RBFOX1: variants seen among roughly 807,000 people sequenced by gnomAD.
RBFOX1 encodes the protein RNA binding protein fox-1 homolog 1.
A neutral mutation model predicts 57.7 loss-of-function variants in RBFOX1; 8 were observed. That is an observed-to-expected ratio of 0.14 (90% CI 0.08 to 0.25). The LOEUF (loss-of-function observed/expected upper bound fraction) is 0.25. RBFOX1 is among the 10% of genes least tolerant of loss of function. The pLI is 1.00. For synonymous variants in RBFOX1, 326 were observed against 222.4 expected, an observed-to-expected ratio of 1.47 and a Z score of -4.15; for missense variants, 611 against 548.5, an observed-to-expected ratio of 1.11 and a Z score of -1.14.
chr16:6,493,490 T>C (rs915854179), intron 2 of RBFOX1, among the ~76,000 whole-genome samples: 19 of 152,194 alleles, frequency 1.2e-4, no homozygotes, highest in African/African-American at 3.9e-4. Flanking sequence ...TACAGTACTA[T>C]TATTTTTTTT....
intron 1 of RBFOX1, among the ~76,000 whole-genome samples, chr16:5,310,864 C>T (rs553422648): frequency 6.6e-6 from 1 of 152,074 alleles, no homozygotes; most frequent in Non-Finnish European, 1.5e-5. Flanking sequence ...ATTTCAATAG[C>T]TTTTGGAGTC....
At chr16:7,215,639 G>T (rs55755449) in intron 4 of RBFOX1, among the ~76,000 whole-genome samples, 1 of 151,710 alleles carries the variant, frequency 6.6e-6, no homozygotes, top group Non-Finnish European at 1.5e-5. Context: ...AAAGATCCTC[G>T]GGCAGATTAG....
rs143672599 is a variant in RBFOX1 at position 7,396,885 on chromosome 16, G to T, written c.28-121262G>T. Among the ~76,000 whole-genome samples, 1,016 of 152,302 alleles carry T rather than the reference G, an allele frequency of 6.7e-3. 11 individuals are homozygous for T. The highest frequency in any genetic ancestry group is 0.022 in the African/African-American group (920 of 41,556). On this transcript the variant is annotated intron_variant, in intron 4 of 15. Coordinates refer to ENST00000550418, the MANE Select transcript of RBFOX1 (RefSeq NM_018723.4). ...AAACCCAGGAGACAGAGGTTGCAGT[G>T]AGCCTAGAAGATGCCACTGCACTCC...
At chr16:6,121,486 C>G (rs143034145) in intron 1 of RBFOX1, among the ~76,000 whole-genome samples, 2 of 152,282 alleles carry the variant, frequency 1.3e-5, no homozygotes, top group Non-Finnish European at 2.9e-5. Context: ...TACCCAGTAC[C>G]CCCAAATTCT....
chr16:5,304,479 T>G (rs2063883149), intron 1 of RBFOX1, among the ~76,000 whole-genome samples: 1 of 152,242 alleles, frequency 6.6e-6, no homozygotes, highest in African/African-American at 2.4e-5. Flanking sequence ...GAGTTGAGTC[T>G]GTCATGGTGA....
chr16:6,431,896 G>GCTTGCTTGCTTGCTTGCTTTCTTT (rs1491277692), intron 2 of RBFOX1, among the ~76,000 whole-genome samples: 29 of 128,194 alleles, frequency 2.3e-4, no homozygotes, highest in South Asian at 1.1e-3. Flanking sequence ...TTGCTTGCTT[G>GCTTGCTTGCTTGCTTGCTTTCTTT]CTTTCTTTCT....
chr16:5,583,456 C>T (rs535399029), intron 2 of RBFOX1, among the ~76,000 whole-genome samples: 2 of 152,334 alleles, frequency 1.3e-5, no homozygotes, highest in South Asian at 4.1e-4. Context: ...CGAGCTCTAA[C>T]CAAGCTCGCT....
chr16:5,702,693 C>T (rs368773341), intron 3 of RBFOX1, among the ~76,000 whole-genome samples: 1 of 152,182 alleles, frequency 6.6e-6, no homozygotes, highest in South Asian at 2.1e-4. Context: ...ATTGACCCAT[C>T]TGTAAAATGG....
At chr16:7,556,195 A>G (rs1226038939) in intron 5 of RBFOX1, among the ~76,000 whole-genome samples, 1 of 152,168 alleles carries the variant, frequency 6.6e-6, no homozygotes, top group African/African-American at 2.4e-5. Context: ...GGCCCTGAGA[A>G]GTCTTAAGTT....
intron 4 of RBFOX1, among the ~76,000 whole-genome samples, chr16:7,375,789 T>C (rs1314698067): frequency 4.6e-5 from 7 of 152,226 alleles, no homozygotes. Context: ...CCCCCCATGC[T>C]TTAATGAATA....
chr16:6,628,162 G>C (rs1601953520), intron 2 of RBFOX1, among the ~76,000 whole-genome samples: 1 of 152,148 alleles, frequency 6.6e-6, no homozygotes, highest in South Asian at 2.1e-4. Flanking sequence ...GTTACCTTCT[G>C]CCTCTTCCTG....
chr16:5,403,413 A>T (rs2066773808), intron 1 of RBFOX1, among the ~76,000 whole-genome samples: 1 of 151,918 alleles, frequency 6.6e-6, no homozygotes, highest in African/African-American at 2.4e-5. Context: ...GCTATATGTA[A>T]TGCACTGCTT....
At chr16:7,565,226 G>T (rs1295925674) in intron 5 of RBFOX1, among the ~76,000 whole-genome samples, 1 of 151,964 alleles carries the variant, frequency 6.6e-6, no homozygotes, top group African/African-American at 2.4e-5. Context: ...GTGCAATATT[G>T]TCTAATTTAG....
intron 3 of RBFOX1, among the ~76,000 whole-genome samples, chr16:5,782,511 C>T (rs2054356949): frequency 1.3e-5 from 2 of 152,136 alleles, no homozygotes; most frequent in South Asian, 2.1e-4. Flanking sequence ...TAAATTTTCA[C>T]CACAAGAATT....
At chr16:7,024,787 C>G (rs999060787) in intron 3 of RBFOX1, among the ~76,000 whole-genome samples, 1 of 152,206 alleles carries the variant, frequency 6.6e-6, no homozygotes, top group African/African-American at 2.4e-5. Flanking sequence ...GAGCCATTCC[C>G]TGCAATTCCC....
intron 4 of RBFOX1, among the ~76,000 whole-genome samples, chr16:7,494,674 T>G (rs1200768981): frequency 1.3e-5 from 2 of 152,158 alleles, no homozygotes; most frequent in African/African-American, 4.8e-5. Context: ...AAAAAGGTCA[T>G]GATACTTACT....
chr16:6,837,716 G>A (rs764309342), intron 3 of RBFOX1, among the ~76,000 whole-genome samples: 2 of 152,182 alleles, frequency 1.3e-5, no homozygotes, highest in Non-Finnish European at 2.9e-5. Context: ...CATTGTGCAA[G>A]TTCAGATAAA....
intron 3 of RBFOX1, among the ~76,000 whole-genome samples, chr16:6,918,129 A>T (rs1457025790): frequency 6.6e-6 from 1 of 152,114 alleles, no homozygotes; most frequent in Non-Finnish European, 1.5e-5. Context: ...CTCTACTAAA[A>T]ATGCAGAAAT....
intron 2 of RBFOX1, among the ~76,000 whole-genome samples, chr16:6,439,189 A>G (rs2094313570): frequency 6.6e-6 from 1 of 152,204 alleles, no homozygotes; most frequent in Admixed American, 6.5e-5. Context: ...GGTCAGTTGC[A>G]TACAGGCAGT....
Sources: gnomAD v4.1 joint callset for allele counts (sites outside exome capture counted in the v4.1 genomes callset) on GRCh38, gnomAD v4.1.1 for gene constraint, MANE v1.5 for transcripts, NCBI Gene and HGNC (gene_info 2026-07-23, HGNC 2026-07-21) for gene names.